Variants in TMC1 observed in about 807,000 individuals in gnomAD.
TMC1 encodes the protein transmembrane channel-like protein 1.
Under a neutral mutation model 105.8 loss-of-function variants are expected in TMC1, and 84 were observed. The ratio of observed to expected loss-of-function variants is 0.79; its 90% CI spans 0.67 to 0.95. The LOEUF is 0.95. Among genes scored for constraint, TMC1 ranks in the 40% least tolerant of loss-of-function variants. The pLI is 0.00. For missense variants in TMC1, 817 were observed against 914.1 expected, an observed-to-expected ratio of 0.89 and a Z score of 1.37; for synonymous variants, 315 against 311.5, an observed-to-expected ratio of 1.01 and a Z score of -0.12.
chr9:72,655,200 T>C (rs1037452423), intron 5 of TMC1, among the ~76,000 whole-genome samples: 20 of 152,198 alleles, frequency 1.3e-4, no homozygotes, highest in African/African-American at 4.6e-4. Flanking sequence ...CAGGTGCCTG[T>C]TTCCCCTTCA....
At chr9:72,641,565 A>G (rs1435333400) in intron 4 of TMC1, among the ~76,000 whole-genome samples, 1 of 152,206 alleles carries the variant, frequency 6.6e-6, no homozygotes, top group African/African-American at 2.4e-5. Flanking sequence ...TTCAAAAATT[A>G]TTAAGAATTT....
At chr9:72,803,213 C>A (rs368052521) in intron 17 of TMC1, among the ~76,000 whole-genome samples, 1 of 152,146 alleles carries the variant, frequency 6.6e-6, no homozygotes, top group Non-Finnish European at 1.5e-5. Context: ...CGTCTATACA[C>A]CTTATACAAA....
At position 72,614,958 on chromosome 9, in the gene TMC1, A is replaced by T. The variant is rs12350479; in HGVS notation, c.-305-1410A>T. On this transcript the variant is annotated intron_variant, in intron 2 of 23. Transcript: ENST00000297784. ...GCTTCCCAATGTGCTAGGATTACAGATGTGAGCCACTGAGCCCAGCCAGTT... is the reference window on the plus strand; with the variant it reads ...GCTTCCCAATGTGCTAGGATTACAGTTGTGAGCCACTGAGCCCAGCCAGTT... 2.5e-3 allele frequency among the ~76,000 whole-genome samples: 387 copies of T among 152,260 alleles called. 6 individuals are homozygous for T. The highest frequency in any genetic ancestry group is 8.9e-3 in the African/African-American group (372 of 41,568).
At chr9:72,763,324 CA>C (rs1334366737) in intron 12 of TMC1, among the ~76,000 whole-genome samples, 2 of 152,014 alleles carry the variant, frequency 1.3e-5, no homozygotes, top group African/African-American at 4.8e-5. Flanking sequence ...AGGTGCCAGG[CA>C]TTAAGCAAAG....
intron 11 of TMC1, among the ~76,000 whole-genome samples, chr9:72,753,109 G>A (rs1045066400): frequency 2.6e-5 from 4 of 151,940 alleles, no homozygotes; most frequent in African/African-American, 9.7e-5. Context: ...CTAAGATTTT[G>A]CACTTTAATC....
intron 12 of TMC1, among the ~76,000 whole-genome samples, chr9:72,755,709 A>T (rs1024238555): frequency 2.6e-5 from 4 of 152,202 alleles, no homozygotes; most frequent in Non-Finnish European, 5.9e-5. Flanking sequence ...TGAGGAATTG[A>T]TAATTCAAGT....
rs146568918 is a variant in TMC1, at chr9:72,727,638, A to G, written c.363-12481A>G. On this transcript the variant is annotated intron_variant, in intron 8 of 23. Transcript: ENST00000297784. The stretch of plus-strand genomic sequence containing the variant: ...TTTTGGTGATTAGAATTGTTGAGAT[A>G]TGGTTTTAGACAGAGTTTCCTTCTT... Among the ~76,000 whole-genome samples, 351 of 152,268 alleles carry G rather than the reference A, an allele frequency of 2.3e-3. 3 individuals are homozygous for G. The highest frequency in any genetic ancestry group is 7.9e-3 in the African/African-American group (330 of 41,562).
At chr9:72,594,348 G>A (rs1824686074) in intron 2 of TMC1, among the ~76,000 whole-genome samples, 1 of 152,166 alleles carries the variant, frequency 6.6e-6, no homozygotes, top group Non-Finnish European at 1.5e-5. Context: ...AGGAAGATAA[G>A]GGATAGTTTA....
At chr9:72,830,558 T>C (rs373122829) in intron 22 of TMC1, 29 bp downstream of exon 22, 6 of 1,600,886 alleles carry the variant, frequency 3.7e-6, no homozygotes, top group Admixed American at 3.3e-5. Context: ...CATAGAAATA[T>C]TATCTTTATT....
chr9:72,596,940 A>G (rs1242872584), intron 2 of TMC1, among the ~76,000 whole-genome samples: 1 of 152,260 alleles, frequency 6.6e-6, no homozygotes, highest in Non-Finnish European at 1.5e-5. Context: ...ATGAAACCTT[A>G]GATTCCTACC....
chr9:72,806,147 G>A (rs1277024580), intron 18 of TMC1, among the ~76,000 whole-genome samples: 6 of 149,478 alleles, frequency 4.0e-5, no homozygotes, highest in African/African-American at 7.4e-5. Context: ...CTCACCTCCC[G>A]GGCGGGGCGG....
chr9:72,615,629 G>T (rs1230133328), intron 2 of TMC1, among the ~76,000 whole-genome samples: 1 of 152,000 alleles, frequency 6.6e-6, no homozygotes, highest in Non-Finnish European at 1.5e-5. Context: ...TAATGTATAG[G>T]TTTTTAAAAA....
chr9:72,824,156 C>A (rs147088416), intron 20 of TMC1, among the ~76,000 whole-genome samples: 250 of 152,374 alleles, frequency 1.6e-3, no homozygotes, highest in Non-Finnish European at 3.1e-3. Context: ...CCATGTGGGG[C>A]CCGTGGCCAG....
In TMC1 at chr9:72,539,727, C is replaced by T. The variant is rs1194066980; in HGVS notation, c.-428+17814C>T. On this transcript the variant is annotated intron_variant, in intron 1 of 23. Transcript: ENST00000297784. The stretch of plus-strand genomic sequence containing the variant: ...GGTTCTTCCAACCTCTGTCCAATGC[C>T]CTGTTCCAAAGTTGCTTCCACATTT... Among the ~76,000 whole-genome samples, 4 of 152,190 alleles carry T rather than the reference C, an allele frequency of 2.6e-5. No homozygotes were observed. The East Asian group carries it at 7.7e-4, about 29-fold the overall frequency.
intron 13 of TMC1, among the ~76,000 whole-genome samples, chr9:72,776,140 C>G (rs1472980336): frequency 2.0e-5 from 3 of 152,052 alleles, no homozygotes; most frequent in Non-Finnish European, 4.4e-5. Context: ...TAATAATACT[C>G]ATAGAATGGA....
At chr9:72,665,003 C>A (rs947139) in intron 5 of TMC1, among the ~76,000 whole-genome samples, 1 of 152,144 alleles carries the variant, frequency 6.6e-6, no homozygotes, top group Admixed American at 6.5e-5. Context: ...TCTACATGCT[C>A]CCTCTCCTAT....
intron 12 of TMC1, among the ~76,000 whole-genome samples, chr9:72,760,554 G>T (rs933343199): frequency 2.6e-5 from 4 of 151,936 alleles, no homozygotes; most frequent in African/African-American, 4.8e-5. Context: ...AAAACATTTG[G>T]ATCCACTCTC....
At chr9:72,674,138 G>A (rs1246300320) in intron 5 of TMC1, among the ~76,000 whole-genome samples, 1 of 152,130 alleles carries the variant, frequency 6.6e-6, no homozygotes, top group Non-Finnish European at 1.5e-5. Context: ...AAATTAAAGA[G>A]GGCAGAAATA....
chr9:72,621,622 A>T (rs776866225), intron 3 of TMC1, among the ~76,000 whole-genome samples: 3 of 152,232 alleles, frequency 2.0e-5, no homozygotes, highest in Non-Finnish European at 4.4e-5. Context: ...CTCTACAGAA[A>T]GGCTGTACAG....
Sources: allele counts gnomAD v4.1 joint callset (sites outside exome capture counted in the v4.1 genomes callset), GRCh38; gene constraint gnomAD v4.1.1; transcripts MANE v1.5; gene names NCBI Gene and HGNC (gene_info 2026-07-23, HGNC 2026-07-21).